Variants in GOLGA4 observed in about 807,000 individuals in gnomAD.
GOLGA4 encodes the protein golgin subfamily A member 4.
A neutral mutation model predicts 265.9 loss-of-function variants in GOLGA4; 169 were observed. The ratio of observed to expected loss-of-function variants is 0.64; its 90% CI spans 0.56 to 0.72. GOLGA4 has a LOEUF of 0.72. Ranked by LOEUF, GOLGA4 falls within the 30% of genes least tolerant of loss-of-function variation. The pLI, the probability that GOLGA4 is intolerant of heterozygous loss-of-function variation, is 0.00. For synonymous variants in GOLGA4, 923 were observed against 855.8 expected, an observed-to-expected ratio of 1.08 and a Z score of -1.37; for missense variants, 2,482 against 2,483.4, an observed-to-expected ratio of 1.00 and a Z score of 0.01.
chr3:37,282,637 C>T (rs191370233), intron 3 of GOLGA4, among the ~76,000 whole-genome samples: 16 of 152,284 alleles, frequency 1.1e-4, no homozygotes, highest in Admixed American at 7.8e-4. Flanking sequence ...CTAACTGATG[C>T]GGCTCCAAAA....
intron 16 of GOLGA4, among the ~76,000 whole-genome samples, chr3:37,332,528 A>T (rs948894209): frequency 3.9e-5 from 6 of 152,182 alleles, no homozygotes; most frequent in Admixed American, 1.3e-4. Flanking sequence ...AACAAAAAAA[A>T]TTAAATAAAA....
At chr3:37,243,911 G>A (rs2096710670) in intron 1 of GOLGA4, 1 of 440,018 alleles carries the variant, frequency 2.3e-6, no homozygotes, top group Admixed American at 4.2e-5. Context: ...GCCAGAGTCC[G>A]AACTTGCATG....
At chr3:37,271,483 T>C (rs1004021435) in intron 2 of GOLGA4, among the ~76,000 whole-genome samples, 23 of 152,258 alleles carry the variant, frequency 1.5e-4, no homozygotes, top group African/African-American at 5.5e-4. Context: ...TTGAAACATA[T>C]TACAAAAGTG....
intron 21 of GOLGA4, among the ~76,000 whole-genome samples, chr3:37,353,298 T>A (rs2097080514): frequency 6.6e-6 from 1 of 152,180 alleles, no homozygotes; most frequent in African/African-American, 2.4e-5. Context: ...CCAATAGACT[T>A]GCTTGACAAA....
intron 10 of GOLGA4, among the ~76,000 whole-genome samples, chr3:37,303,736 G>A (rs2096899041): frequency 6.6e-6 from 1 of 152,156 alleles, no homozygotes. Context: ...AATAGTCATA[G>A]TGGTAACAGC....
chr3:37,344,614 T>C lies in GOLGA4; in HGVS notation c.6473-2579T>C, dbSNP rs146769027. 5.0e-3 allele frequency among the ~76,000 whole-genome samples: 752 copies of C among 151,318 alleles called. 2 individuals are homozygous for C. Among genetic ancestry groups the C allele is most frequent in the African/African-American group, 0.017 (714 of 41,202 alleles). ...TCCCAAAGTGCTGAGATTTCAGGAGTGAGCCACCATGCCTAACCTTCACTA... is the reference window on the plus strand; with the variant it reads ...TCCCAAAGTGCTGAGATTTCAGGAGCGAGCCACCATGCCTAACCTTCACTA... On this transcript the variant is annotated intron_variant, in intron 20 of 23. Coordinates refer to ENST00000361924, the MANE Select transcript of GOLGA4 (RefSeq NM_002078.5).
At chr3:37,266,177 G>GT (rs1386694552) in intron 2 of GOLGA4, among the ~76,000 whole-genome samples, 4 of 151,512 alleles carry the variant, frequency 2.6e-5, no homozygotes, top group Admixed American at 1.3e-4. Context: ...GTTTTGTTTT[G>GT]TTTTTTTGAG....
intron 13 of GOLGA4, among the ~76,000 whole-genome samples, chr3:37,323,320 G>A (rs1272763621): frequency 1.3e-5 from 2 of 151,934 alleles, no homozygotes; most frequent in East Asian, 1.9e-4. Flanking sequence ...TAGAGACAGG[G>A]CTTTGCCATG....
chr3:37,316,757 A>G (rs2096938657), intron 11 of GOLGA4, among the ~76,000 whole-genome samples: 1 of 152,056 alleles, frequency 6.6e-6, no homozygotes. Context: ...CTTTTTGAGT[A>G]TATTTCCCAG....
chr3:37,248,048 T>C (rs1008394168), intron 1 of GOLGA4, among the ~76,000 whole-genome samples: 1 of 152,204 alleles, frequency 6.6e-6, no homozygotes, highest in Non-Finnish European at 1.5e-5. Context: ...CCCTGTAATA[T>C]AACAATTATG....
chr3:37,266,585 A>G (rs762477016), intron 2 of GOLGA4, among the ~76,000 whole-genome samples: 7 of 152,278 alleles, frequency 4.6e-5, no homozygotes, highest in African/African-American at 1.7e-4. Flanking sequence ...TATCATTTGT[A>G]TGCCAATAAG....
intron 17 of GOLGA4, 107 bp downstream of exon 17, chr3:37,335,273 T>C: frequency 1.6e-6 from 1 of 629,416 alleles, no homozygotes; most frequent in East Asian, 2.8e-5. Flanking sequence ...TTAATCCTAA[T>C]GAAAACCCTT....
chr3:37,245,119 A>G (rs1298747515), intron 1 of GOLGA4, among the ~76,000 whole-genome samples: 1 of 152,266 alleles, frequency 6.6e-6, no homozygotes, highest in Non-Finnish European at 1.5e-5. Flanking sequence ...AATGTCCAAC[A>G]ATAGAGAATT....
intron 3 of GOLGA4, 121 bp from the exon 4 acceptor site, chr3:37,285,893 T>G (rs1007803332): frequency 3.5e-5 from 19 of 540,662 alleles, no homozygotes; most frequent in Non-Finnish European, 6.1e-5. Flanking sequence ...TCTAATTAGG[T>G]TATCCTATTA....
chr3:37,295,152 A>G (rs2096874834), intron 6 of GOLGA4, 75 bp downstream of exon 6: 3 of 775,842 alleles, frequency 3.9e-6, no homozygotes, highest in Non-Finnish European at 6.2e-6. Context: ...GGATATCTGC[A>G]AGGTTGCAAA....
intron 7 of GOLGA4, among the ~76,000 whole-genome samples, chr3:37,297,189 G>A (rs2096880730): frequency 6.6e-6 from 1 of 152,312 alleles, no homozygotes; most frequent in South Asian, 2.1e-4. Context: ...TTTGAGGCTT[G>A]AGGTATATAC....
At chr3:37,362,800 T>TTTTTTTTTTTTTA (rs1696426796) in intron 23 of GOLGA4, among the ~76,000 whole-genome samples, 1 of 144,732 alleles carries the variant, frequency 6.9e-6, no homozygotes, top group African/African-American at 2.6e-5. Flanking sequence ...TTTTTTTTTT[T>TTTTTTTTTTTTTA]GAGACGGAGT....
Position 37,248,481 on chromosome 3 carries a change from A to G in GOLGA4, c.73-2914A>G, listed in dbSNP as rs567135251. Reference sequence around the variant, plus strand: ...GGAACCTAAATCCCTTTATATCTTGAAGTGAGGATAGCCCATTAAGGAACC... The same window carrying G: ...GGAACCTAAATCCCTTTATATCTTGGAGTGAGGATAGCCCATTAAGGAACC... On this transcript the variant is annotated intron_variant, in intron 1 of 23. Transcript: ENST00000361924. Among the ~76,000 whole-genome samples the G allele has an allele frequency of 3.9e-5, 6 of 152,330 alleles. No individual in the cohort carries two copies. The East Asian group carries it at 9.6e-4, about 24-fold the overall frequency.
intron 2 of GOLGA4, among the ~76,000 whole-genome samples, chr3:37,273,076 ACATTACCGTTTCTTGC>A (rs2096803260): frequency 6.6e-6 from 1 of 152,262 alleles, no homozygotes; most frequent in Non-Finnish European, 1.5e-5. Flanking sequence ...AATGAATGAG[ACATTACCGTTTCTTGC>A]TATCAAGATA....
Sources: gnomAD v4.1 joint callset for allele counts (sites outside exome capture counted in the v4.1 genomes callset) on GRCh38, gnomAD v4.1.1 for gene constraint, MANE v1.5 for transcripts, NCBI Gene and HGNC (gene_info 2026-07-23, HGNC 2026-07-21) for gene names.